The following ATP4B variants were observed in gnomAD, a reference collection of about 807,000 sequenced individuals.
ATP4B encodes the protein potassium-transporting ATPase subunit beta.
In ATP4B, 27 loss-of-function variants were observed where a neutral mutation model predicts 35.3. That is an observed-to-expected ratio of 0.76 (90% CI 0.56 to 1.05). The LOEUF (loss-of-function observed/expected upper bound fraction) is 1.05. Among genes scored for constraint, ATP4B ranks in the 50% least tolerant of loss-of-function variants. The probability of loss-of-function intolerance (pLI) is 0.00; values close to 1 mark genes in which losing one functional copy is unlikely to be tolerated. For missense variants in ATP4B, 375 were observed against 384.8 expected (o/e 0.97, Z 0.21); for synonymous variants, 162 against 156.0 (o/e 1.04, Z -0.29).
intron 1 of ATP4B, among the ~76,000 whole-genome samples, chr13:113,657,776 G>T (rs2049766989): frequency 6.6e-6 from 1 of 152,232 alleles, no homozygotes; most frequent in East Asian, 1.9e-4. Context: ...TGACATTTGG[G>T]GCCAGTCTGT....
In ATP4B at chr13:113,652,961, G is replaced by T. The variant is rs774962646; in HGVS notation, c.467C>A (p.Ala156Glu). 1 of 1,614,244 alleles carries T rather than the reference G, an allele frequency of 6.2e-7. No homozygotes were observed. Among genetic ancestry groups the T allele is most frequent in the South Asian group, 1.1e-5 (1 of 91,088 alleles). Residue 156 changes from alanine (A) to glutamate (E), a missense_variant, in exon 4 of 7, where the codon GCA (alanine) becomes GAA (glutamate). Transcript: ENST00000335288. Reference protein sequence around the residue: ...NHTKFSCKFTADMLQNCSGLA... With the variant: ...NHTKFSCKFTEDMLQNCSGLA... Reference sequence around the variant, plus strand: ...GCCTGAGCAGTTCTGCAGCATATCTGCCGTGAACTTGCAGGAGAACTTGGT... The same window carrying T: ...GCCTGAGCAGTTCTGCAGCATATCTTCCGTGAACTTGCAGGAGAACTTGGT...
In ATP4B at chr13:113,649,378, T is replaced by C. The variant is rs138269602; in HGVS notation, c.872A>G (p.Lys291Arg). ...GKVEFKLKIE[K>R] ...AGGACCCCTGCGCAAACCGTTTCAC[T>C]TCTCAATCTTGAGTTTGAACTCCAC... is the stretch of plus-strand genomic sequence containing the variant. Residue 291 changes from lysine (K) to arginine (R), a missense_variant, in exon 7 of 7, where the codon AAG (lysine) becomes AGG (arginine). By Grantham distance (26) the Lys-to-Arg change is conservative. Coordinates refer to ENST00000335288, the MANE Select transcript of ATP4B (RefSeq NM_000705.4). The surrounding 1 kb of genome is among the most constrained non-coding windows in gnomAD (Gnocchi z 4.7). The C allele has an allele frequency of 1.3e-6, 2 of 1,593,688 alleles. No individual in the cohort carries two copies. Among genetic ancestry groups the C allele is most frequent in the South Asian group, 2.3e-5 (2 of 88,196 alleles).
chr13:113,649,169 T>C lies in ATP4B; in HGVS notation c.*205A>G. 1 of 478,596 alleles carries C rather than the reference T, an allele frequency of 2.1e-6. No individual in the cohort carries two copies. Among genetic ancestry groups the C allele is most frequent in the African/African-American group, 2.0e-5 (1 of 49,248 alleles). 29.6% of individuals were successfully genotyped at this position (478,596 alleles called of 1,614,324 possible). The stretch of plus-strand genomic sequence containing the variant: ...AGCAGCAAATTCCATCTAAAAACTG[T>C]AAGAATTCAACAAGGAAGAACTGAT... On this transcript the variant is annotated 3_prime_UTR_variant, in exon 7 of 7. Coordinates refer to ENST00000335288, the MANE Select transcript of ATP4B (RefSeq NM_000705.4). This position sits in a 1 kb window ranked among gnomAD's most constrained non-coding sequence, Gnocchi z 4.7.
chr13:113,652,065 G>C (rs1162245250), intron 4 of ATP4B, among the ~76,000 whole-genome samples: 1 of 152,216 alleles, frequency 6.6e-6, no homozygotes, highest in African/African-American at 2.4e-5. Flanking sequence ...CAGAGCACGG[G>C]CCGGCCTGCC....
Position 113,653,450 on chromosome 13 carries a change from T to A in ATP4B, c.242-16A>T. The A allele has an allele frequency of 6.2e-7, 1 of 1,604,822 alleles. No homozygotes were observed. Among genetic ancestry groups the A allele is most frequent in the Non-Finnish European group, 8.5e-7 (1 of 1,171,540 alleles). ...AAGGTTACCCCTGGAGAGAGAGACC[T>A]TTGTGCTTAGCGTCTCCAAATGCTC... On this transcript the variant is annotated splice_polypyrimidine_tract_variant and intron_variant, in intron 2 of 6. Coordinates refer to ENST00000335288, the MANE Select transcript of ATP4B (RefSeq NM_000705.4).
In ATP4B at chr13:113,652,963, C is replaced by T. The variant is rs146035955; in HGVS notation, c.465G>A (p.Thr155=). The change falls in exon 4 of 7, where the codon ACG becomes ACA. Residue 155 remains threonine (T), a synonymous_variant. Coordinates refer to ENST00000335288, the MANE Select transcript of ATP4B (RefSeq NM_000705.4). ...CTGAGCAGTTCTGCAGCATATCTGC[C>T]GTGAACTTGCAGGAGAACTTGGTGT... ...PNHTKFSCKF[T]ADMLQNCSGL... 1.7e-5 allele frequency: 28 copies of T among 1,614,076 alleles called. No homozygotes were observed. The highest frequency in any genetic ancestry group is 1.2e-4 in the Admixed American group (7 of 60,016).
intron 1 of ATP4B, among the ~76,000 whole-genome samples, chr13:113,657,566 G>A (rs1002122590): frequency 5.3e-5 from 8 of 152,340 alleles, no homozygotes; most frequent in South Asian, 4.1e-4. Context: ...AGGCAGGCCT[G>A]GTTTACTCCC....
In ATP4B at chr13:113,648,987, G is replaced by T. The variant is rs1340280849; in HGVS notation, c.*387C>A. The stretch of plus-strand genomic sequence containing the variant: ...CGTGTTTCATATCAGTGCATTAGTA[G>T]TTTTTATATTAATGTGGGGGGGGCA... On this transcript the variant is annotated 3_prime_UTR_variant, in exon 7 of 7. Coordinates refer to ENST00000335288, the MANE Select transcript of ATP4B (RefSeq NM_000705.4). 1 of 158,506 alleles carries T rather than the reference G, an allele frequency of 6.3e-6. No homozygotes were observed. The highest frequency in any genetic ancestry group is 2.5e-5 in the African/African-American group (1 of 39,780). The allele number at this position is 158,506 out of a possible 1,614,324, so 9.8% of individuals were successfully genotyped here. A position where few individuals can be genotyped will look rare whatever the true frequency, so the allele number is the denominator to read the frequency against.
At chr13:113,652,318 C>G (rs1486386755) in intron 4 of ATP4B, among the ~76,000 whole-genome samples, 1 of 152,226 alleles carries the variant, frequency 6.6e-6, no homozygotes, top group Non-Finnish European at 1.5e-5. Flanking sequence ...GTAGAGGGCA[C>G]AAGCCTGCAG....
At chr13:113,654,486 TG>T (rs1392230414) in intron 2 of ATP4B, among the ~76,000 whole-genome samples, 1 of 152,234 alleles carries the variant, frequency 6.6e-6, no homozygotes, top group Non-Finnish European at 1.5e-5. Flanking sequence ...AGTAAGTGGA[TG>T]GAAAAACTTT....
In ATP4B at chr13:113,651,719, C is replaced by A; in HGVS notation, c.564G>T (p.Lys188Asn). 1.2e-6 allele frequency: 2 copies of A among 1,613,824 alleles called. No individual in the cohort carries two copies. The highest frequency in any genetic ancestry group is 1.7e-6 in the Non-Finnish European group (2 of 1,179,862). The change falls in exon 5 of 7, where the codon AAG (lysine) becomes AAT (asparagine). Residue 188 changes from lysine to asparagine, a missense_variant. Lys to Asn is a moderately conservative substitution (Grantham distance 94). Transcript: ENST00000335288. ...GGGCCGAGCCGTTGCTGGGGAGGAACTTGACGATCTAGAAGGGAAAAGCTT... is the reference window on the plus strand; with the variant it reads ...GGGCCGAGCCGTTGCTGGGGAGGAAATTGACGATCTAGAAGGGAAAAGCTT... ...CFIIKMNRIV[K>N]FLPSNGSAPR...
intron 2 of ATP4B, 49 bp downstream of exon 2, chr13:113,654,765 G>C: frequency 6.3e-7 from 1 of 1,593,240 alleles, no homozygotes; most frequent in Non-Finnish European, 8.6e-7. Flanking sequence ...CCGAGGAGGC[G>C]GCAGCCTGGC....
chr13:113,652,758 C>T lies in ATP4B; in HGVS notation c.555+115G>A, dbSNP rs532281305. 121 of 1,244,186 alleles carry T rather than the reference C, an allele frequency of 9.7e-5. No homozygotes were observed. The Middle Eastern group carries it at 3.3e-3, about 34-fold the overall frequency. 77.1% of individuals were successfully genotyped at this position (1,244,186 alleles called of 1,614,324 possible). A position where few individuals can be genotyped will look rare whatever the true frequency, so the allele number is the denominator to read the frequency against. Reference sequence around the variant, plus strand: ...GTACAGGGTGGTGAGGCTGGAGTCCCTGTCCCGCTTGGGCAAGCCCCAGAC... The same window carrying T: ...GTACAGGGTGGTGAGGCTGGAGTCCTTGTCCCGCTTGGGCAAGCCCCAGAC... On this transcript the variant is annotated intron_variant, in intron 4 of 6. Transcript: ENST00000335288.
At position 113,650,319 on chromosome 13, in the gene ATP4B, A is replaced by G. The variant is rs550829064; in HGVS notation, c.714+87T>C. The G allele has an allele frequency of 2.3e-6, 3 of 1,283,424 alleles. No individual in the cohort carries two copies. The highest frequency in any genetic ancestry group is 1.2e-5 in the South Asian group (1 of 81,288). 79.5% of individuals were successfully genotyped at this position (1,283,424 alleles called of 1,614,324 possible). A position where few individuals can be genotyped will look rare whatever the true frequency, so the allele number is the denominator to read the frequency against. ...AGTCACACCTTTGTTTCATTTTTCT[A>G]CATGAAGGGGCTTATTGCTTTCCTT... On this transcript the variant is annotated intron_variant, in intron 6 of 6. Transcript: ENST00000335288. This position sits in a 1 kb window ranked among gnomAD's most constrained non-coding sequence, Gnocchi z 5.0.
At chr13:113,651,536 GT>G in intron 5 of ATP4B, 134 bp downstream of exon 5, 1 of 1,017,922 alleles carries the variant, frequency 9.8e-7, no homozygotes, top group Non-Finnish European at 1.4e-6. Flanking sequence ...ATGGTTCGGT[GT>G]TTACGTCTGG....
rs1414043273 is a variant in ATP4B, at chr13:113,649,561, G to C, written c.715-26C>G. On this transcript the variant is annotated intron_variant, in intron 6 of 6. Transcript: ENST00000335288. This position sits in a 1 kb window ranked among gnomAD's most constrained non-coding sequence, Gnocchi z 4.7. ...CTGAAGTGGGAGTGAGGAAAGGACA[G>C]GTGTTTCAAAAATCTCTGAAGTTAA... The C allele has an allele frequency of 6.1e-6, 9 of 1,465,038 alleles. No homozygotes were observed. In the South Asian group the frequency reaches 1.2e-4, roughly 20 times the overall value. The allele number at this position is 1,465,038 out of a possible 1,614,324, so 90.8% of individuals were successfully genotyped here.
chr13:113,653,688 C>T (rs538508691), intron 2 of ATP4B, among the ~76,000 whole-genome samples: 2 of 152,234 alleles, frequency 1.3e-5, no homozygotes, highest in African/African-American at 4.8e-5. Context: ...GTGGCTGGCT[C>T]TCTCCACCGG....
intron 4 of ATP4B, 56 bp from the exon 5 acceptor site, chr13:113,651,783 G>A (rs2049714886): frequency 3.8e-6 from 6 of 1,587,560 alleles, no homozygotes; most frequent in South Asian, 1.1e-5. Context: ...CATGTGAGGT[G>A]CACGGCACCC....
At position 113,654,823 on chromosome 13, in the gene ATP4B, G is replaced by A. The variant is rs533455765; in HGVS notation, c.232C>T (p.Arg78Trp). The A allele has an allele frequency of 4.2e-5, 68 of 1,613,792 alleles. No individual in the cohort carries two copies. Among genetic ancestry groups the A allele is most frequent in the Admixed American group, 1.8e-4 (11 of 59,956 alleles). Residue 78 changes from arginine to tryptophan, a missense_variant, in exon 2 of 7, where the codon CGG (arginine) becomes TGG (tryptophan). Transcript: ENST00000335288. ...CATCCCGGGCGCTTACCTGGTGACC[G>A]TAGCTGGTCTTGGTAGTCCGGTGTG... Reference protein sequence around the residue: ...PYTPDYQDQLRSPGVTLRPDV... With the variant: ...PYTPDYQDQLWSPGVTLRPDV...
Sources: allele counts gnomAD v4.1 joint callset (sites outside exome capture counted in the v4.1 genomes callset), GRCh38; gene constraint gnomAD v4.1.1; non-coding constraint Gnocchi (gnomAD v3.1); transcripts MANE v1.5; gene names NCBI Gene and HGNC (gene_info 2026-07-23, HGNC 2026-07-21).